Variants in NPC1 observed in about 807,000 individuals in gnomAD.
NPC1 encodes the protein Niemann-Pick C1 protein.
A neutral mutation model predicts 140.4 loss-of-function variants in NPC1; 85 were observed. That is an observed-to-expected ratio of 0.61 (90% confidence interval 0.51 to 0.72). The LOEUF (loss-of-function observed/expected upper bound fraction) is 0.72, where lower values mean the gene tolerates loss of function less well. NPC1 is among the 30% of genes least tolerant of loss of function. The probability of loss-of-function intolerance (pLI) is 0.00; values close to 1 mark genes in which losing one functional copy is unlikely to be tolerated. For synonymous variants in NPC1, 656 were observed against 624.8 expected (o/e 1.05, Z -0.74); for missense variants, 1,504 against 1,623.8 (o/e 0.93, Z 1.27).
At chr18:23,555,016 A>T (rs771732568) in intron 8 of NPC1, 32 bp from the exon 9 acceptor site, 5 of 1,344,026 alleles carry the variant, frequency 3.7e-6, no homozygotes, top group Non-Finnish European at 5.3e-6. Context: ...AAGCAAACCC[A>T]GAAACACGTC....
intron 23 of NPC1, chr18:23,534,047 C>G (rs975387763): frequency 1.7e-5 from 6 of 348,252 alleles, no homozygotes; most frequent in South Asian, 1.5e-4. Context: ...AGTTTTTACT[C>G]TTTACCAGGT....
intron 1 of NPC1, among the ~76,000 whole-genome samples, chr18:23,585,664 G>A (rs2145601138): frequency 6.6e-6 from 1 of 152,232 alleles, no homozygotes; most frequent in Admixed American, 6.5e-5. Context: ...GAGTCAGCAG[G>A]ACACCGAGTT....
intron 6 of NPC1, among the ~76,000 whole-genome samples, chr18:23,559,673 G>A (rs2059009036): frequency 6.6e-6 from 1 of 151,772 alleles, no homozygotes; most frequent in Admixed American, 6.6e-5. Context: ...TGGCCGGCTG[G>A]GCACGGTGGC....
intron 3 of NPC1, chr18:23,506,666 C>G (rs373816439): frequency 3.9e-6 from 1 of 257,808 alleles, no homozygotes; most frequent in Non-Finnish European, 7.5e-6. Context: ...ACAGCAGTTA[C>G]GGAGAAGGCT....
At chr18:23,568,381 T>C (rs563351127) in intron 4 of NPC1, among the ~76,000 whole-genome samples, 1 of 152,364 alleles carries the variant, frequency 6.6e-6, no homozygotes, top group African/African-American at 2.4e-5. Context: ...TGGTCAATGC[T>C]GGGGGATCAT....
downstream of NPC1, chr18:23,527,917 T>G: frequency 1.3e-6 from 2 of 1,587,800 alleles, no homozygotes; most frequent in Non-Finnish European, 1.7e-6. Context: ...TTACATGGAG[T>G]ATGACAAAGG....
chr18:23,561,135 C>G (rs2059032593), intron 5 of NPC1, among the ~76,000 whole-genome samples: 1 of 152,158 alleles, frequency 6.6e-6, no homozygotes, highest in Non-Finnish European at 1.5e-5. Context: ...CCTCAGCCTC[C>G]CAAGTAGCTG....
chr18:23,539,830 C>T lies in NPC1; in HGVS notation c.2776G>A (p.Ala926Thr), dbSNP rs564631426. The T allele has an allele frequency of 5.0e-6, 8 of 1,614,174 alleles. No homozygotes were observed. Among genetic ancestry groups the T allele is most frequent in the East Asian group, 2.2e-5 (1 of 44,886 alleles). Residue 926 changes from alanine to threonine, a missense_variant, in exon 18 of 25, where the codon GCG (alanine) becomes ACG (threonine). Transcript: ENST00000269228. ...ACTGACTAGTTGTCCAGCTGCGCCG[C>T]GTTAAATATCTGCTGCACCAGGGAA... ...NDSLVQQIFNAAQLDNYTRIG... is the reference protein window; with the variant it reads ...NDSLVQQIFNTAQLDNYTRIG...
chr18:23,536,512 G>A (rs574544096), intron 21 of NPC1, among the ~76,000 whole-genome samples, 161 bp downstream of exon 21: 1 of 152,166 alleles, frequency 6.6e-6, no homozygotes, highest in Non-Finnish European at 1.5e-5. Context: ...GAACTCCTTT[G>A]CCCAGCACCC....
At chr18:23,568,129 C>G (rs1348268178) in intron 4 of NPC1, among the ~76,000 whole-genome samples, 3 of 152,096 alleles carry the variant, frequency 2.0e-5, no homozygotes, top group Non-Finnish European at 4.4e-5. Flanking sequence ...CATTTATCAA[C>G]TAGCCCACCT....
intron 9 of NPC1, among the ~76,000 whole-genome samples, chr18:23,553,046 GGACA>G (rs1020357095): frequency 1.3e-5 from 2 of 152,194 alleles, no homozygotes; most frequent in African/African-American, 4.8e-5. Context: ...AGAGGAAAGG[GGACA>G]GCGCTAGGGC....
At chr18:23,515,235 A>G (rs985400880) in intron 3 of NPC1, among the ~76,000 whole-genome samples, 1 of 152,168 alleles carries the variant, frequency 6.6e-6, no homozygotes, top group Non-Finnish European at 1.5e-5. Flanking sequence ...AGGCACAGAT[A>G]AGGATTTTGG....
At chr18:23,575,270 T>G (rs952639785) in intron 1 of NPC1, among the ~76,000 whole-genome samples, 1 of 152,226 alleles carries the variant, frequency 6.6e-6, no homozygotes, top group African/African-American at 2.4e-5. Flanking sequence ...CACTGCTGTT[T>G]AGGTTCCTTT....
downstream of NPC1, chr18:23,526,702 C>A (rs1236478274): frequency 1.9e-6 from 3 of 1,614,018 alleles, no homozygotes; most frequent in African/African-American, 1.3e-5. Flanking sequence ...CAAAGGAAGA[C>A]TCATGGACTT....
At chr18:23,537,780 A>G (rs2058653692) in intron 20 of NPC1, among the ~76,000 whole-genome samples, 1 of 152,248 alleles carries the variant, frequency 6.6e-6, no homozygotes, top group South Asian at 2.1e-4. Context: ...GAGTAAATCA[A>G]GCTGCAAGAT....
At position 23,546,156 on chromosome 18, in the gene NPC1, C is replaced by T. The variant is rs184399088; in HGVS notation, c.1758-1007G>A. Among the ~76,000 whole-genome samples the T allele has an allele frequency of 8.6e-5, 12 of 139,840 alleles. No individual in the cohort carries two copies. In the East Asian group the frequency reaches 2.4e-3, roughly 28 times the overall value. 91.7% of individuals were successfully genotyped at this position (139,840 alleles called of 152,430 possible). A position where few individuals can be genotyped will look rare whatever the true frequency, so the allele number is the denominator to read the frequency against. On this transcript the variant is annotated intron_variant, in intron 11 of 24. Transcript: ENST00000269228. ...CCCAGCTACTTGGGAGGCTGAGGCA[C>T]GAGAATCACTTGAACCTGGAAGGCA...
rs140952850 is a variant in NPC1, at chr18:23,568,939, C to T, written c.347G>A (p.Arg116Gln). The T allele has an allele frequency of 1.4e-5, 22 of 1,613,840 alleles. No individual in the cohort carries two copies. The African/African-American group carries it at 2.0e-4, about 15-fold the overall frequency. The change falls in exon 4 of 25, where the codon CGA (arginine) becomes CAA (glutamine). Residue 116 changes from arginine (R) to glutamine (Q), a missense_variant. Coordinates refer to ENST00000269228, the MANE Select transcript of NPC1 (RefSeq NM_000271.5). Reference protein sequence around the residue: ...NLFCELTCSPRQSQFLNVTAT... With the variant: ...NLFCELTCSPQQSQFLNVTAT... ...TGTAACATTCAAAAACTGACTCTGT[C>T]GAGGGCTACATGTCAGCTCACAAAA...
At chr18:23,568,069 T>A (rs1035817847) in intron 4 of NPC1, among the ~76,000 whole-genome samples, 1 of 152,242 alleles carries the variant, frequency 6.6e-6, no homozygotes, top group Non-Finnish European at 1.5e-5. Context: ...TTGATTTTTT[T>A]ATTTTCTGTA....
At chr18:23,541,000 C>T in intron 16 of NPC1, 68 bp downstream of exon 16, 1 of 1,560,704 alleles carries the variant, frequency 6.4e-7, no homozygotes, top group Non-Finnish European at 8.8e-7. Flanking sequence ...GGCTGTCTGG[C>T]TTCTTAGAAG....
Sources: gnomAD v4.1 joint callset for allele counts (sites outside exome capture counted in the v4.1 genomes callset) on GRCh38, gnomAD v4.1.1 for gene constraint, MANE v1.5 for transcripts, NCBI Gene and HGNC (gene_info 2026-07-23, HGNC 2026-07-21) for gene names.